TSPEAR: variants seen among roughly 807,000 people sequenced by gnomAD.
TSPEAR encodes the protein thrombospondin-type laminin G domain and EAR repeat-containing protein.
TSPEAR carries 69 observed loss-of-function variants against 71.6 expected under a neutral mutation model. The ratio of observed to expected loss-of-function variants is 0.96; its 90% confidence interval spans 0.79 to 1.18. TSPEAR has a LOEUF of 1.18. TSPEAR is among the 50% of genes most tolerant of loss of function. The pLI, the probability that TSPEAR is intolerant of heterozygous loss-of-function variation, is 0.00. For synonymous variants in TSPEAR, 402 were observed against 387.2 expected, an observed-to-expected ratio of 1.04 and a Z score of -0.45; for missense variants, 971 against 894.9, an observed-to-expected ratio of 1.09 and a Z score of -1.09.
rs781879038 is a variant in TSPEAR, at chr21:44,646,989, T to C, written c.82+64444A>G. ...GCCAGCAGTCTAGCTGCCAGCCAGC[T>C]TGCTGCACCTCCTCCTCCTACCAGC... On this transcript the variant is annotated intron_variant, in intron 1 of 11. Transcript: ENST00000323084. 4 of 1,613,574 alleles carry C rather than the reference T, an allele frequency of 2.5e-6. No homozygotes were observed. In the East Asian group the frequency reaches 8.9e-5, roughly 36 times the overall value.
chr21:44,580,519 G>A (rs782651890), intron 1 of TSPEAR: 12 of 1,613,580 alleles, frequency 7.4e-6, no homozygotes, highest in Non-Finnish European at 7.6e-6. Context: ...CTGGGCAGTC[G>A]TCCACTCGCC....
At chr21:44,550,664 C>A in intron 2 of TSPEAR, 2 of 1,609,166 alleles carry the variant, frequency 1.2e-6, no homozygotes, top group Non-Finnish European at 1.7e-6. Flanking sequence ...GGGGCCTGAG[C>A]CCGGCTGGCC....
intron 1 of TSPEAR, among the ~76,000 whole-genome samples, chr21:44,664,411 T>C (rs1298943575): frequency 6.6e-6 from 1 of 152,118 alleles, no homozygotes; most frequent in Non-Finnish European, 1.5e-5. Context: ...AACTACAAAA[T>C]ATTGATGAGA....
Position 44,592,478 on chromosome 21 carries a change from C to T in TSPEAR, c.83-24473G>A, listed in dbSNP as rs370514688. ...CTGGAGCAGACGGACATGGTGGACG[C>T]GGCCATGCTGGGGTTGAACTGGTGG... On this transcript the variant is annotated intron_variant, in intron 1 of 11. Coordinates refer to ENST00000323084, the MANE Select transcript of TSPEAR (RefSeq NM_144991.3). The T allele has an allele frequency of 1.2e-4, 193 of 1,609,648 alleles. 1 individual carries two copies. The highest frequency in any genetic ancestry group is 6.5e-4 in the South Asian group (59 of 90,242).
chr21:44,525,154 T>TCAG lies in TSPEAR; in HGVS notation c.1336+498_1336+499insCTG, dbSNP rs1555914769. Among the ~76,000 whole-genome samples the TCAG allele has an allele frequency of 8.5e-3, 1,286 of 151,534 alleles. 16 individuals carry two copies. The highest frequency in any genetic ancestry group is 0.03 in the African/African-American group (1,238 of 41,086). On this transcript the variant is annotated intron_variant, in intron 8 of 11. Transcript: ENST00000323084. ...GGTAGTCAGTCAGACAGTCAGGTAG[T>TCAG]TAGTCAGTCAGTCAGTCAGTGAAGT...
chr21:44,574,936 G>T (rs200036054), intron 1 of TSPEAR: 9 of 1,605,290 alleles, frequency 5.6e-6, no homozygotes, highest in African/African-American at 1.4e-5. Flanking sequence ...AGCTGCTGCC[G>T]CCCAGCCTCC....
At chr21:44,638,053 T>C (rs1555937545) in intron 1 of TSPEAR, 1 of 1,613,230 alleles carries the variant, frequency 6.2e-7, no homozygotes. Context: ...GCGGTGCCTC[T>C]GCCTCCTCCT....
chr21:44,636,373 C>T, intron 1 of TSPEAR, among the ~76,000 whole-genome samples: 1 of 152,212 alleles, frequency 6.6e-6, no homozygotes, highest in East Asian at 1.9e-4. Flanking sequence ...TGTATTTCCA[C>T]ACTGTCATGG....
rs985948291 is a variant in TSPEAR at position 44,593,347 on chromosome 21, C to T, written c.83-25342G>A. 2.0e-5 allele frequency among the ~76,000 whole-genome samples: 3 copies of T among 152,218 alleles called. No individual in the cohort carries two copies. The highest frequency in any genetic ancestry group is 7.2e-5 in the African/African-American group (3 of 41,452). ...TGGGCCCATTTCCCAGCCCTGTCTT[C>T]CAAGCCCTGTGCCAGGCCTCTTAGT... On this transcript the variant is annotated intron_variant, in intron 1 of 11. Coordinates refer to ENST00000323084, the MANE Select transcript of TSPEAR (RefSeq NM_144991.3). This position sits in a 1 kb window ranked among gnomAD's most constrained non-coding sequence, Gnocchi z 5.9.
chr21:44,498,328 T>C lies in TSPEAR; in HGVS notation c.*1455A>G, dbSNP rs797024899. ...ACCCAATGAGGCCAATCATGTGTGATTGGGACCTTCTGAGTGACTTGGTGG... is the reference window on the plus strand; with the variant it reads ...ACCCAATGAGGCCAATCATGTGTGACTGGGACCTTCTGAGTGACTTGGTGG... On this transcript the variant is annotated 3_prime_UTR_variant, in exon 12 of 12. Transcript: ENST00000323084. The C allele has an allele frequency of 1.1e-4, 16 of 152,370 alleles. No homozygotes were observed. The East Asian group carries it at 1.4e-3, about 13-fold the overall frequency. 9.4% of individuals were successfully genotyped at this position (152,370 alleles called of 1,614,324 possible). A position where few individuals can be genotyped will look rare whatever the true frequency, so the allele number is the denominator to read the frequency against.
chr21:44,546,484 G>A lies in TSPEAR; in HGVS notation c.304-12561C>T, dbSNP rs1293118020. ...TGAGTAGCTGGGACTACAGGCTCCC[G>A]CCACCAGGCCCGGCTAATTTTTTGT... On this transcript the variant is annotated intron_variant, in intron 2 of 11. Coordinates refer to ENST00000323084, the MANE Select transcript of TSPEAR (RefSeq NM_144991.3). This position sits in a 1 kb window ranked among gnomAD's most constrained non-coding sequence, Gnocchi z 4.4. 4.6e-5 allele frequency among the ~76,000 whole-genome samples: 7 copies of A among 152,128 alleles called. No homozygotes were observed. Among genetic ancestry groups the A allele is most frequent in the African/African-American group, 1.7e-4 (7 of 41,426 alleles).
chr21:44,693,628 A>G (rs1370106867), intron 1 of TSPEAR, among the ~76,000 whole-genome samples: 3 of 144,648 alleles, frequency 2.1e-5, no homozygotes, highest in Non-Finnish European at 4.5e-5. Context: ...GCTACTTCAC[A>G]CCTACCAGGA....
intron 1 of TSPEAR, among the ~76,000 whole-genome samples, chr21:44,625,424 C>G (rs1309082994): frequency 2.6e-5 from 4 of 152,074 alleles, no homozygotes. Flanking sequence ...AGACTCTGGT[C>G]TCTACAAAAA....
chr21:44,692,947 G>A (rs4818963), intron 1 of TSPEAR, among the ~76,000 whole-genome samples: 109,468 of 151,966 alleles, frequency 0.72, 39,692 homozygotes, highest in Middle Eastern at 0.85. Flanking sequence ...CACACTTCCT[G>A]ATTTCAAAAC....
intron 1 of TSPEAR, among the ~76,000 whole-genome samples, chr21:44,582,766 G>A (rs187749691): frequency 1.3e-5 from 2 of 152,230 alleles, no homozygotes; most frequent in Admixed American, 6.5e-5. Flanking sequence ...CAGTTTCCAC[G>A]GACAATTGAA....
rs115508861 is a variant in TSPEAR, at chr21:44,508,783, A to G, written c.1754+416T>C. ...GGGAGGATGCAACATCGGGGGAAGG[A>G]AGTAATCATGTCTGGTGGCAGCTGG... On this transcript the variant is annotated intron_variant, in intron 10 of 11. Coordinates refer to ENST00000323084, the MANE Select transcript of TSPEAR (RefSeq NM_144991.3). 6.9e-4 allele frequency: 897 copies of G among 1,305,404 alleles called. 9 individuals carry two copies. The African/African-American group carries it at 0.012, about 17-fold the overall frequency. The allele number at this position is 1,305,404 out of a possible 1,614,324, so 80.9% of individuals were successfully genotyped here. A position where few individuals can be genotyped will look rare whatever the true frequency, so the allele number is the denominator to read the frequency against.
intron 1 of TSPEAR, chr21:44,592,048 C>A (rs1354562363): frequency 3.1e-6 from 5 of 1,600,976 alleles, no homozygotes; most frequent in Non-Finnish European, 4.3e-6. Flanking sequence ...GGAGGAGGTG[C>A]AGCAAGCTGA....
intron 1 of TSPEAR, chr21:44,647,330 G>A (rs1984500145): frequency 6.2e-7 from 1 of 1,613,776 alleles, no homozygotes; most frequent in South Asian, 1.1e-5. Flanking sequence ...TACAGCCTCT[G>A]CTCAGGCAAG....
intron 1 of TSPEAR, among the ~76,000 whole-genome samples, chr21:44,598,203 C>T (rs1206013366): frequency 3.9e-5 from 6 of 152,192 alleles, no homozygotes; most frequent in Non-Finnish European, 5.9e-5. Context: ...TCTAGTTTCC[C>T]GTAGATGACC....
Sources: gnomAD v4.1 joint callset for allele counts (sites outside exome capture counted in the v4.1 genomes callset) on GRCh38, gnomAD v4.1.1 for gene constraint, Gnocchi (gnomAD v3.1) non-coding constraint, MANE v1.5 for transcripts, NCBI Gene and HGNC (gene_info 2026-07-23, HGNC 2026-07-21) for gene names.